Variants in CPA6 observed in about 807,000 individuals in gnomAD.
The protein encoded by CPA6 is carboxypeptidase B.
A neutral mutation model predicts 63.3 loss-of-function variants in CPA6; 58 were observed. That is an observed-to-expected ratio of 0.92 (90% CI 0.74 to 1.14). CPA6 has a LOEUF of 1.14. CPA6 is among the 50% of genes most tolerant of loss of function. CPA6 has a pLI of 0.00. For missense variants in CPA6, 565 were observed against 526.6 expected, an observed-to-expected ratio of 1.07 and a Z score of -0.71; for synonymous variants, 185 against 179.0, an observed-to-expected ratio of 1.03 and a Z score of -0.27.
chr8:67,670,400 A>G, intron 1 of CPA6, among the ~76,000 whole-genome samples: 1 of 152,164 alleles, frequency 6.6e-6, no homozygotes, highest in East Asian at 1.9e-4. Context: ...CACTGAGGGA[A>G]AAATCCGCCT....
intron 3 of CPA6, among the ~76,000 whole-genome samples, chr8:67,513,869 A>G (rs964876871): frequency 6.6e-6 from 1 of 152,158 alleles, no homozygotes; most frequent in East Asian, 1.9e-4. Flanking sequence ...AATGGTGACT[A>G]GAACTATTCT....
chr8:67,675,485 G>A (rs556130241), intron 1 of CPA6, among the ~76,000 whole-genome samples: 1 of 152,088 alleles, frequency 6.6e-6, no homozygotes, highest in South Asian at 2.1e-4. Context: ...TACCACTCTG[G>A]TACCTTGTCC....
rs565254044 is a variant in CPA6 at position 67,425,519 on chromosome 8, C to T, written c.1126+2528G>A. ...TCAACTGAGTAGCTGGGATTACAGG[C>T]GCACACCGCCATGCCCAGCTAATTT... On this transcript the variant is annotated intron_variant, in intron 10 of 10. Transcript: ENST00000297770. 1.8e-3 allele frequency among the ~76,000 whole-genome samples: 275 copies of T among 152,144 alleles called. 1 individual carries two copies. In the South Asian group the frequency reaches 0.018, roughly 10 times the overall value.
At chr8:67,548,719 C>T (rs1450005188) in intron 2 of CPA6, among the ~76,000 whole-genome samples, 1 of 152,196 alleles carries the variant, frequency 6.6e-6, no homozygotes, top group African/African-American at 2.4e-5. Context: ...CACATGTCTA[C>T]CTTCAGGGAG....
chr8:67,746,316 G>A lies in CPA6; in HGVS notation c.-187C>T. 1 of 471,546 alleles carries A rather than the reference G, an allele frequency of 2.1e-6. No homozygotes were observed. The highest frequency in any genetic ancestry group is 3.9e-6 in the Non-Finnish European group (1 of 259,430). The allele number at this position is 471,546 out of a possible 1,614,324, so 29.2% of individuals were successfully genotyped here. A position where few individuals can be genotyped will look rare whatever the true frequency, so the allele number is the denominator to read the frequency against. On this transcript the variant is annotated 5_prime_UTR_variant, in exon 1 of 11. Transcript: ENST00000297770. Reference sequence around the variant, plus strand: ...AAAAAAAGTTCAGGCAGCTGAGGAAGGGAAGTTGCTATTACGACTTGGTCT... The same window carrying A: ...AAAAAAAGTTCAGGCAGCTGAGGAAAGGAAGTTGCTATTACGACTTGGTCT...
intron 1 of CPA6, among the ~76,000 whole-genome samples, chr8:67,718,277 T>C (rs1018167100): frequency 6.6e-6 from 1 of 152,152 alleles, no homozygotes; most frequent in Non-Finnish European, 1.5e-5. Flanking sequence ...TTTTAAGAAT[T>C]GTGAGGTATT....
chr8:67,442,591 T>TAA (rs1415644384), intron 8 of CPA6, among the ~76,000 whole-genome samples: 4 of 152,184 alleles, frequency 2.6e-5, no homozygotes, highest in Non-Finnish European at 5.9e-5. Flanking sequence ...AGGTTCAACA[T>TAA]AAAACGTGAG....
In CPA6 at chr8:67,554,286, T is replaced by C. The variant is rs117178425; in HGVS notation, c.193-36239A>G. Among the ~76,000 whole-genome samples the C allele has an allele frequency of 8.7e-4, 133 of 152,270 alleles. 1 individual carries two copies. In the East Asian group the frequency reaches 0.02, roughly 23 times the overall value. ...TTCTAGGGAGGCCTCAGGGAGCTTT[T>C]ACTCTGGTGGAAGGTGAAGGGGGAG... On this transcript the variant is annotated intron_variant, in intron 2 of 10. Transcript: ENST00000297770.
rs1430362258 is a variant in CPA6 at position 67,677,763 on chromosome 8, A to T, written c.117-53512T>A. ...CCTAGGGTGGTAAAAAATCTAGGCAAGAGTGGATGGCTATCAGAGAAAAAT... is the reference window on the plus strand; with the variant it reads ...CCTAGGGTGGTAAAAAATCTAGGCATGAGTGGATGGCTATCAGAGAAAAAT... On this transcript the variant is annotated intron_variant, in intron 1 of 10. Coordinates refer to ENST00000297770, the MANE Select transcript of CPA6 (RefSeq NM_020361.5). 2.0e-5 allele frequency among the ~76,000 whole-genome samples: 3 copies of T among 152,164 alleles called. No individual in the cohort carries two copies. The East Asian group carries it at 5.8e-4, about 29-fold the overall frequency.
intron 1 of CPA6, among the ~76,000 whole-genome samples, chr8:67,697,495 T>C (rs1816932635): frequency 6.6e-6 from 1 of 152,224 alleles, no homozygotes; most frequent in Non-Finnish European, 1.5e-5. Context: ...CCACCTTTCT[T>C]ACTGAGTTGT....
chr8:67,652,888 C>T, intron 1 of CPA6, among the ~76,000 whole-genome samples: 1 of 150,404 alleles, frequency 6.6e-6, no homozygotes, highest in African/African-American at 2.4e-5. Context: ...ACATTTAAGT[C>T]TTTAATCCAT....
At chr8:67,736,125 A>G (rs533815550) in intron 1 of CPA6, among the ~76,000 whole-genome samples, 20 of 152,116 alleles carry the variant, frequency 1.3e-4, no homozygotes, top group African/African-American at 4.8e-4. Context: ...GAGGCAAACC[A>G]GCTTTCAGTC....
chr8:67,698,346 A>G (rs912171924), intron 1 of CPA6, among the ~76,000 whole-genome samples: 1 of 152,182 alleles, frequency 6.6e-6, no homozygotes, highest in Non-Finnish European at 1.5e-5. Context: ...TCTTTTAAAC[A>G]ACTCCTGGTG....
chr8:67,535,864 T>C (rs547267011), intron 2 of CPA6, among the ~76,000 whole-genome samples: 1 of 152,336 alleles, frequency 6.6e-6, no homozygotes, highest in African/African-American at 2.4e-5. Context: ...CTTTAATCCA[T>C]CCTGAGTTAA....
At chr8:67,651,364 A>G (rs1385302162) in intron 1 of CPA6, among the ~76,000 whole-genome samples, 1 of 152,204 alleles carries the variant, frequency 6.6e-6, no homozygotes, top group Non-Finnish European at 1.5e-5. Context: ...ATTATGCAGC[A>G]TGGAATTGCC....
intron 1 of CPA6, among the ~76,000 whole-genome samples, chr8:67,697,357 T>C (rs1164869894): frequency 6.6e-6 from 1 of 152,186 alleles, no homozygotes; most frequent in Admixed American, 6.5e-5. Flanking sequence ...TGTGCTCTCA[T>C]GTGAAAAAGA....
chr8:67,624,615 T>C (rs779120614), intron 1 of CPA6, among the ~76,000 whole-genome samples: 15 of 152,350 alleles, frequency 9.8e-5, no homozygotes, highest in Middle Eastern at 3.4e-3. Context: ...AAGTCATTCT[T>C]TTTTTAAACA....
chr8:67,422,414 G>T lies in CPA6; in HGVS notation c.*90C>A. ...TCCATAGACATGTTCACTCTAAGCAGCTGCCCTTCTCTTTGAAAACAATTT... is the reference window on the plus strand; with the variant it reads ...TCCATAGACATGTTCACTCTAAGCATCTGCCCTTCTCTTTGAAAACAATTT... On this transcript the variant is annotated 3_prime_UTR_variant, in exon 11 of 11. Coordinates refer to ENST00000297770, the MANE Select transcript of CPA6 (RefSeq NM_020361.5). 8.9e-7 allele frequency: 1 copy of T among 1,118,284 alleles called. No individual in the cohort carries two copies. Among genetic ancestry groups the T allele is most frequent in the Non-Finnish European group, 1.3e-6 (1 of 767,188 alleles). 69.3% of individuals were successfully genotyped at this position (1,118,284 alleles called of 1,614,324 possible). A position where few individuals can be genotyped will look rare whatever the true frequency, so the allele number is the denominator to read the frequency against.
At position 67,494,237 on chromosome 8, in the gene CPA6, A is replaced by C. The variant is rs577409110; in HGVS notation, c.637-9448T>G. On this transcript the variant is annotated intron_variant, in intron 6 of 10. Transcript: ENST00000297770. ...TTTTAAACATAGCAACATGTCATGA[A>C]GGGTTTTCTTCATCATTAAATACTA... Among the ~76,000 whole-genome samples, 436 of 152,248 alleles carry C rather than the reference A, an allele frequency of 2.9e-3. 1 individual carries two copies. Among genetic ancestry groups the C allele is most frequent in the African/African-American group, 9.8e-3 (407 of 41,554 alleles).
Sources: gnomAD v4.1 joint callset for allele counts (sites outside exome capture counted in the v4.1 genomes callset) on GRCh38, gnomAD v4.1.1 for gene constraint, MANE v1.5 for transcripts, NCBI Gene and HGNC (gene_info 2026-07-23, HGNC 2026-07-21) for gene names.